Variants in HIVEP1 observed in about 807,000 individuals in gnomAD.
HIVEP1 encodes zinc finger protein 40.
In HIVEP1, 36 loss-of-function variants were observed where a neutral mutation model predicts 180.0. That is an observed-to-expected ratio of 0.20 (90% CI 0.15 to 0.26). HIVEP1 has a LOEUF of 0.26. HIVEP1 is among the 10% of genes least tolerant of loss of function. The pLI, the probability that HIVEP1 is intolerant of heterozygous loss-of-function variation, is 1.00. For synonymous variants in HIVEP1, 1,239 were observed against 1,239.0 expected, an observed-to-expected ratio of 1.00 and a Z score of 0.00; for missense variants, 3,143 against 3,268.7, an observed-to-expected ratio of 0.96 and a Z score of 0.94.
chr6:12,026,409 A>G (rs1768589999), intron 2 of HIVEP1, among the ~76,000 whole-genome samples: 1 of 152,224 alleles, frequency 6.6e-6, no homozygotes, highest in Admixed American at 6.5e-5. Flanking sequence ...ATATATTGGC[A>G]GAGAAAGTAA....
At position 12,125,264 on chromosome 6, in the gene HIVEP1, T is replaced by A. The variant is rs763254829; in HGVS notation, c.5469T>A (p.Ile1823=). ...AGGATGTTTTTTCTCAACCTGAAAT[T>A]AGTAATGAGGCTGTTAATTTGACAA... ...LEKDVFSQPE[I]SNEAVNLTNV... Residue 1823 remains isoleucine (I), a synonymous_variant, in exon 4 of 9, where the codon ATT becomes ATA. Transcript: ENST00000379388. 1.9e-6 allele frequency: 3 copies of A among 1,614,002 alleles called. No individual in the cohort carries two copies. Among genetic ancestry groups the A allele is most frequent in the Non-Finnish European group, 2.5e-6 (3 of 1,179,992 alleles).
rs1198240794 is a variant in HIVEP1 at position 12,123,619 on chromosome 6, A to G, written c.3824A>G (p.Glu1275Gly). ...RSETLSKLPT[E>G]KLPPKKKRLR... ...GAAACCTTGTCAAAATTGCCAACAG[A>G]GAAACTGCCACCCAAAAAGAAAAGG... The change falls in exon 4 of 9, where the codon GAG becomes GGG. Residue 1275 changes from glutamate (E) to glycine (G), a missense_variant. Around this residue, in one of 12 missense-constraint regions of HIVEP1, gnomAD observed 1,357 missense variants for 1,260.5 expected, o/e 1.08. Coordinates refer to ENST00000379388, the MANE Select transcript of HIVEP1 (RefSeq NM_002114.4). 6.2e-7 allele frequency: 1 copy of G among 1,614,058 alleles called. No homozygotes were observed. Among genetic ancestry groups the G allele is most frequent in the Non-Finnish European group, 8.5e-7 (1 of 1,180,038 alleles).
chr6:12,143,399 G>A (rs1458706011), intron 7 of HIVEP1, among the ~76,000 whole-genome samples: 1 of 152,074 alleles, frequency 6.6e-6, no homozygotes, highest in East Asian at 1.9e-4. Flanking sequence ...AATAATAAGA[G>A]CTATTTATGA....
chr6:12,136,352 C>T (rs577698737), intron 7 of HIVEP1, among the ~76,000 whole-genome samples: 9 of 152,286 alleles, frequency 5.9e-5, no homozygotes, highest in African/African-American at 9.6e-5. Context: ...CCCACACAAA[C>T]GTGGCTCCCA....
the HIVEP1 span, among the ~76,000 whole-genome samples, chr6:12,186,295 A>G: frequency 8.0e-5 from 12 of 150,878 alleles, no homozygotes; most frequent in South Asian, 1.7e-3. Flanking sequence ...TAATAATAAA[A>G]TGTATTAAAC....
intron 7 of HIVEP1, among the ~76,000 whole-genome samples, chr6:12,160,867 T>A (rs1760354837): frequency 6.6e-6 from 1 of 152,230 alleles, no homozygotes; most frequent in South Asian, 2.1e-4. Context: ...CTCATCTTAA[T>A]GCCTCTTTGG....
chr6:12,109,398 T>A (rs1378076524), intron 3 of HIVEP1, among the ~76,000 whole-genome samples: 2 of 152,252 alleles, frequency 1.3e-5, no homozygotes, highest in Non-Finnish European at 2.9e-5. Context: ...AGAGTAAAAC[T>A]TCTTTCAAAA....
downstream of HIVEP1, among the ~76,000 whole-genome samples, chr6:12,166,989 TATAAC>T (rs1414161967): frequency 1.2e-4 from 19 of 152,312 alleles, 2 homozygotes; most frequent in African/African-American, 3.6e-4. Flanking sequence ...GAAAATGTAT[TATAAC>T]ATAAATCGAG....
intron 3 of HIVEP1, among the ~76,000 whole-genome samples, chr6:12,092,189 A>G (rs1459192745): frequency 6.6e-6 from 1 of 152,154 alleles, no homozygotes; most frequent in East Asian, 1.9e-4. Context: ...TCTCTTCTGT[A>G]GAGGTTTTAC....
Position 12,069,779 on chromosome 6 carries a change from G to T in HIVEP1, c.41-19405G>T, listed in dbSNP as rs561413499. On this transcript the variant is annotated intron_variant, in intron 2 of 8. Coordinates refer to ENST00000379388, the MANE Select transcript of HIVEP1 (RefSeq NM_002114.4). ...TTGTGTTAGTAATAAATTAACTGTAGCTTACTGTAACTTTATAACCTTTTA... is the reference window on the plus strand; with the variant it reads ...TTGTGTTAGTAATAAATTAACTGTATCTTACTGTAACTTTATAACCTTTTA... 7.2e-5 allele frequency among the ~76,000 whole-genome samples: 11 copies of T among 151,830 alleles called. No homozygotes were observed. The South Asian group carries it at 2.1e-3, about 29-fold the overall frequency.
chr6:12,098,422 G>C (rs1773896958), intron 3 of HIVEP1, among the ~76,000 whole-genome samples: 1 of 152,170 alleles, frequency 6.6e-6, no homozygotes, highest in South Asian at 2.1e-4. Flanking sequence ...GTTTCACTTT[G>C]CTTCTTAGGT....
At chr6:12,034,727 T>C (rs1337420937) in intron 2 of HIVEP1, among the ~76,000 whole-genome samples, 1 of 152,216 alleles carries the variant, frequency 6.6e-6, no homozygotes, top group Admixed American at 6.5e-5. Context: ...GTAAAACCTA[T>C]GCATGTATTT....
At chr6:12,107,370 C>A (rs1235841242) in intron 3 of HIVEP1, among the ~76,000 whole-genome samples, 1 of 152,156 alleles carries the variant, frequency 6.6e-6, no homozygotes, top group Non-Finnish European at 1.5e-5. Flanking sequence ...GAGTCTTTAT[C>A]CAGTCATAAT....
chr6:12,137,541 C>T (rs974314333), intron 7 of HIVEP1, among the ~76,000 whole-genome samples: 1 of 151,956 alleles, frequency 6.6e-6, no homozygotes, highest in East Asian at 1.9e-4. Flanking sequence ...TGATAAACAG[C>T]GTAGTTTTAC....
intron 7 of HIVEP1, among the ~76,000 whole-genome samples, chr6:12,142,767 T>C (rs1464105787): frequency 6.6e-6 from 1 of 152,110 alleles, no homozygotes; most frequent in Non-Finnish European, 1.5e-5. Context: ...TCTATGCAAA[T>C]AAACTAGAAA....
chr6:12,140,183 T>G (rs1298194351), intron 7 of HIVEP1, among the ~76,000 whole-genome samples: 1 of 152,226 alleles, frequency 6.6e-6, no homozygotes, highest in Non-Finnish European at 1.5e-5. Flanking sequence ...CAATATTTGC[T>G]GTTCTTCAGC....
At chr6:12,050,756 TGGCCTGGTG>T (rs1770457639) in intron 2 of HIVEP1, among the ~76,000 whole-genome samples, 1 of 151,954 alleles carries the variant, frequency 6.6e-6, no homozygotes, top group Non-Finnish European at 1.5e-5. Flanking sequence ...TTCTAGCCCT[TGGCCTGGTG>T]GGCCATTTGC....
At position 12,123,886 on chromosome 6, in the gene HIVEP1, G is replaced by C. The variant is rs1581733291; in HGVS notation, c.4091G>C (p.Arg1364Thr). 1 of 1,614,130 alleles carries C rather than the reference G, an allele frequency of 6.2e-7. No homozygotes were observed. The highest frequency in any genetic ancestry group is 2.2e-5 in the East Asian group (1 of 44,882). The change falls in exon 4 of 9, where the codon AGG becomes ACG. Residue 1364 changes from arginine to threonine, a missense_variant. Coordinates refer to ENST00000379388, the MANE Select transcript of HIVEP1 (RefSeq NM_002114.4). ...GTTCCTGGATGTCACCGGGAAATGA[G>C]GCGTACTGCATCAGAACAGATTAAT... is the stretch of plus-strand genomic sequence containing the variant. The part of the protein sequence containing the change: ...LNVPGCHREM[R>T]RTASEQINCT...
intron 2 of HIVEP1, among the ~76,000 whole-genome samples, chr6:12,083,669 T>C (rs1772935666): frequency 6.6e-6 from 1 of 152,196 alleles, no homozygotes; most frequent in Non-Finnish European, 1.5e-5. Flanking sequence ...AGGATATTTG[T>C]TAGGATAACA....
Sources: allele counts gnomAD v4.1 joint callset (sites outside exome capture counted in the v4.1 genomes callset), GRCh38; gene constraint gnomAD v4.1.1; regional missense constraint gnomAD v4.1.1; transcripts MANE v1.5; gene names NCBI Gene and HGNC (gene_info 2026-07-23, HGNC 2026-07-21).